AKAP6: variants seen among roughly 807,000 people sequenced by gnomAD.
AKAP6 encodes the protein A-kinase anchor protein 6.
In AKAP6, 58 loss-of-function variants were observed where a neutral mutation model predicts 188.5. That is an observed-to-expected ratio of 0.31 (90% CI 0.25 to 0.38). The LOEUF (loss-of-function observed/expected upper bound fraction) is 0.38, where lower values mean the gene tolerates loss of function less well. Among genes scored for constraint, AKAP6 ranks in the 10% least tolerant of loss-of-function variants. AKAP6 has a pLI of 1.00. For synonymous variants in AKAP6, 989 were observed against 998.6 expected (o/e 0.99, Z 0.18); for missense variants, 2,710 against 2,740.0 (o/e 0.99, Z 0.24).
rs564442523 is a variant in AKAP6 at position 32,616,416 on chromosome 14, G to A, written c.2730+15624G>A. 5.1e-4 allele frequency among the ~76,000 whole-genome samples: 77 copies of A among 152,302 alleles called. 1 individual carries two copies. In the Middle Eastern group the frequency reaches 0.01, roughly 20 times the overall value. On this transcript the variant is annotated intron_variant, in intron 7 of 13. Coordinates refer to ENST00000280979, the MANE Select transcript of AKAP6 (RefSeq NM_004274.5). ...GCACATAAACACCATGGAATACTAT[G>A]CAGCCATATAAAAGAAAGAGATCAT...
rs116441014 is a variant in AKAP6, at chr14:32,781,872, G to A, written c.3588+7979G>A. ...CTGATAAAAACTCTCAGAAACCTAA[G>A]GAAAAAATGTCCAGGTGTGGTGGCT... On this transcript the variant is annotated intron_variant, in intron 12 of 13. Transcript: ENST00000280979. Among the ~76,000 whole-genome samples the A allele has an allele frequency of 6.9e-3, 1,044 of 152,032 alleles. 12 individuals carry two copies. Among genetic ancestry groups the A allele is most frequent in the African/African-American group, 0.023 (952 of 41,450 alleles).
chr14:32,561,906 G>A (rs1401018134), intron 4 of AKAP6, among the ~76,000 whole-genome samples: 1 of 152,216 alleles, frequency 6.6e-6, no homozygotes, highest in Non-Finnish European at 1.5e-5. Context: ...TGAGGCTTGT[G>A]CTCTGTTCAG....
chr14:32,551,258 C>A (rs1883447108), intron 4 of AKAP6, among the ~76,000 whole-genome samples: 1 of 152,134 alleles, frequency 6.6e-6, no homozygotes, highest in African/African-American at 2.4e-5. Flanking sequence ...TCAGAGAGGA[C>A]TACTCTGACC....
At position 32,596,703 on chromosome 14, in the gene AKAP6, G is replaced by C. The variant is rs536846772; in HGVS notation, c.2470-2707G>C. On this transcript the variant is annotated intron_variant, in intron 5 of 13. Transcript: ENST00000280979. ...CTCTGCATTTTCAGGGAGTGCTATG[G>C]ATATTGCAGAGGGACTGTACACCAT... 3.9e-5 allele frequency among the ~76,000 whole-genome samples: 6 copies of C among 152,274 alleles called. No homozygotes were observed. The South Asian group carries it at 1.0e-3, about 26-fold the overall frequency.
chr14:32,433,330 G>C, intron 1 of AKAP6, 130 bp from the exon 2 acceptor site: 1 of 670,734 alleles, frequency 1.5e-6, no homozygotes, highest in South Asian at 2.1e-5. Flanking sequence ...TTCTGTTTTT[G>C]TTATGAGCTA....
In AKAP6 at chr14:32,835,813, C is replaced by T. The variant is rs930401501; in HGVS notation, c.*6008C>T. ...CACTGCCACACTTCTGGGAAGGGAACGTTCAAGGAAACCGTATAGCCACTT... is the reference window on the plus strand; with the variant it reads ...CACTGCCACACTTCTGGGAAGGGAATGTTCAAGGAAACCGTATAGCCACTT... On this transcript the variant is annotated 3_prime_UTR_variant, in exon 14 of 14. Transcript: ENST00000280979. 6.6e-6 allele frequency: 1 copy of T among 152,214 alleles called. No individual in the cohort carries two copies. The highest frequency in any genetic ancestry group is 1.5e-5 in the Non-Finnish European group (1 of 68,054). 9.4% of individuals were successfully genotyped at this position (152,214 alleles called of 1,614,324 possible).
chr14:32,562,971 G>T (rs1456086791), intron 4 of AKAP6, among the ~76,000 whole-genome samples: 1 of 152,042 alleles, frequency 6.6e-6, no homozygotes, highest in Non-Finnish European at 1.5e-5. Context: ...AGGATGTAGG[G>T]TCCATGAAGA....
intron 7 of AKAP6, among the ~76,000 whole-genome samples, chr14:32,624,287 G>GA (rs1276455221): frequency 6.6e-6 from 1 of 152,080 alleles, no homozygotes; most frequent in African/African-American, 2.4e-5. Flanking sequence ...TGCTGTTCAA[G>GA]AAAAATAGTC....
chr14:32,432,136 C>A (rs1048921622), intron 1 of AKAP6, among the ~76,000 whole-genome samples: 22 of 151,740 alleles, frequency 1.4e-4, no homozygotes, highest in Admixed American at 1.2e-3. Context: ...AATTTCTGAT[C>A]TTTAGGTCAG....
intron 7 of AKAP6, among the ~76,000 whole-genome samples, chr14:32,673,595 T>A (rs868616717): frequency 6.6e-6 from 1 of 151,920 alleles, no homozygotes; most frequent in African/African-American, 2.4e-5. Flanking sequence ...ATTAGCTGGG[T>A]GTGGCAGCAG....
chr14:32,660,433 G>A (rs1566630940), intron 7 of AKAP6, among the ~76,000 whole-genome samples: 1 of 152,082 alleles, frequency 6.6e-6, no homozygotes, highest in Non-Finnish European at 1.5e-5. Flanking sequence ...GGTATGCTGG[G>A]TTGTTCCTAA....
chr14:32,491,461 A>C (rs1046424582), intron 2 of AKAP6, among the ~76,000 whole-genome samples: 1 of 152,188 alleles, frequency 6.6e-6, no homozygotes, highest in African/African-American at 2.4e-5. Context: ...TAAAATCCAA[A>C]AGTGGCTCTC....
intron 1 of AKAP6, among the ~76,000 whole-genome samples, chr14:32,339,306 G>A (rs1442297403): frequency 6.6e-6 from 1 of 152,072 alleles, no homozygotes; most frequent in Non-Finnish European, 1.5e-5. Context: ...CTTTTGCAGT[G>A]GTCCTTTTCA....
chr14:32,346,743 T>C (rs1004524991), intron 1 of AKAP6, among the ~76,000 whole-genome samples: 18 of 152,100 alleles, frequency 1.2e-4, no homozygotes, highest in Admixed American at 1.3e-4. Flanking sequence ...CTCCTGACCT[T>C]GTGATCCACC....
Position 32,433,772 on chromosome 14 carries a change from G to C in AKAP6, c.279G>C (p.Gln93His). 6.2e-7 allele frequency: 1 copy of C among 1,614,120 alleles called. No homozygotes were observed. The part of the protein sequence containing the change: ...RVRDLTYSVQ[Q>H]DSDSKHVDVH... Reference sequence around the variant, plus strand: ...GAGACCTAACCTATTCAGTCCAGCAGGATTCGGACAGCAAGCATGTGGATG... The same window carrying C: ...GAGACCTAACCTATTCAGTCCAGCACGATTCGGACAGCAAGCATGTGGATG... Residue 93 changes from glutamine to histidine, a missense_variant, in exon 2 of 14, where the codon CAG (glutamine) becomes CAC (histidine). Gln to His is a conservative substitution (Grantham distance 24, BLOSUM62 0). Coordinates refer to ENST00000280979, the MANE Select transcript of AKAP6 (RefSeq NM_004274.5).
intron 11 of AKAP6, among the ~76,000 whole-genome samples, chr14:32,738,564 A>G (rs972691425): frequency 1.3e-5 from 2 of 152,202 alleles, no homozygotes; most frequent in Non-Finnish European, 2.9e-5. Context: ...TGTAAGTCAG[A>G]AAATTATGAT....
chr14:32,674,051 C>A (rs1455325265), intron 7 of AKAP6, among the ~76,000 whole-genome samples: 1 of 152,158 alleles, frequency 6.6e-6, no homozygotes, highest in African/African-American at 2.4e-5. Flanking sequence ...AGCATATCAG[C>A]TGAGAGCTGG....
chr14:32,598,168 A>G (rs1465308546), intron 5 of AKAP6, among the ~76,000 whole-genome samples: 1 of 152,234 alleles, frequency 6.6e-6, no homozygotes, highest in Non-Finnish European at 1.5e-5. Flanking sequence ...ATTATATTTT[A>G]CCTGGAACTG....
At chr14:32,802,488 A>G (rs1307215939) in intron 12 of AKAP6, among the ~76,000 whole-genome samples, 1 of 152,206 alleles carries the variant, frequency 6.6e-6, no homozygotes, top group Non-Finnish European at 1.5e-5. Context: ...GCAGTTTGTC[A>G]TTTGCTATTT....
Sources: gnomAD v4.1 joint callset for allele counts (sites outside exome capture counted in the v4.1 genomes callset) on GRCh38, gnomAD v4.1.1 for gene constraint, MANE v1.5 for transcripts, NCBI Gene and HGNC (gene_info 2026-07-23, HGNC 2026-07-21) for gene names.